MTMR4: variants seen among roughly 807,000 people sequenced by gnomAD.
MTMR4 encodes myotubularin related protein 4, also known as phosphatidylinositol-3,5-bisphosphate 3-phosphatase MTMR4.
In MTMR4, 30 loss-of-function variants were observed where a neutral mutation model predicts 125.5. The ratio of observed to expected loss-of-function variants is 0.24; its 90% confidence interval spans 0.18 to 0.32. The LOEUF is 0.32. Ranked by LOEUF, MTMR4 falls within the 10% of genes least tolerant of loss-of-function variation. MTMR4 has a pLI of 1.00. For missense variants in MTMR4, 1,039 were observed against 1,511.5 expected (o/e 0.69, Z 5.18); for synonymous variants, 498 against 564.5 (o/e 0.88, Z 1.67).
chr17:58,507,087 C>T (rs762802672), intron 8 of MTMR4, 36 bp downstream of exon 8: 1 of 1,612,076 alleles, frequency 6.2e-7, no homozygotes. Context: ...AGGAGGGGGC[C>T]TGCTCCCTGG....
chr17:58,508,468 T>C lies in MTMR4; in HGVS notation c.593A>G (p.Lys198Arg). 1 of 1,614,156 alleles carries C rather than the reference T, an allele frequency of 6.2e-7. No homozygotes were observed. Among genetic ancestry groups the C allele is most frequent in the Non-Finnish European group, 8.5e-7 (1 of 1,179,988 alleles). The change falls in exon 6 of 18, where the codon AAA (lysine) becomes AGA (arginine). Residue 198 changes from lysine (K) to arginine (R), a missense_variant and splice_region_variant. This residue lies in a region of MTMR4 where 202 missense variants were observed against 311.9 expected (regional missense o/e 0.65). Coordinates refer to ENST00000682306, the MANE Select transcript of MTMR4 (RefSeq NM_001378067.1). This position sits in a 1 kb window ranked among gnomAD's most constrained non-coding sequence, Gnocchi z 4.8. ...GTGTTTTGGTCCCCAACCCTCTCACTTGTAGTTGCTGTTGATGTGTGAGAC... is the reference window on the plus strand; with the variant it reads ...GTGTTTTGGTCCCCAACCCTCTCACCTGTAGTTGCTGTTGATGTGTGAGAC... ...WRVSHINSNY[K>R]LCPSYPQKLL...
Position 58,491,854 on chromosome 17 carries a change from AAG to A in MTMR4, c.3453-16_3453-15del, listed in dbSNP as rs1313501563. ...TTCCCACAATTTCTGTCAAAGCAGA[AAG>A]AGGGAAGAGTTCATCAGAAATGCCA... On this transcript the variant is annotated splice_polypyrimidine_tract_variant and intron_variant, in intron 17 of 17. Coordinates refer to ENST00000682306, the MANE Select transcript of MTMR4 (RefSeq NM_001378067.1). 6.2e-7 allele frequency: 1 copy of A among 1,608,424 alleles called. No homozygotes were observed. The highest frequency in any genetic ancestry group is 1.1e-5 in the South Asian group (1 of 90,950).
chr17:58,491,659 G>A lies in MTMR4; in HGVS notation c.*4C>T, dbSNP rs1056396519. 1 of 1,611,430 alleles carries A rather than the reference G, an allele frequency of 6.2e-7. No homozygotes were observed. The highest frequency in any genetic ancestry group is 1.3e-5 in the African/African-American group (1 of 74,964). On this transcript the variant is annotated 3_prime_UTR_variant, in exon 18 of 18. Transcript: ENST00000682306. ...CTAAAATTGGACAGGTTTCTCCCCG[G>A]CATTCAACTGGAAGCTGTAGCAATG...
intron 14 of MTMR4, among the ~76,000 whole-genome samples, chr17:58,503,526 G>A (rs1461897673): frequency 6.6e-6 from 1 of 152,094 alleles, no homozygotes; most frequent in East Asian, 1.9e-4. Context: ...GTCGGTGCCT[G>A]TAATCCAAGC....
upstream of MTMR4, among the ~76,000 whole-genome samples, chr17:58,518,655 C>T (rs1158927076): frequency 6.6e-6 from 1 of 152,210 alleles, no homozygotes; most frequent in African/African-American, 2.4e-5. Context: ...CTGCGGCCTC[C>T]TAGTCTGTAA....
chr17:58,515,259 C>CA (rs1976057055), upstream of MTMR4, among the ~76,000 whole-genome samples: 2 of 151,894 alleles, frequency 1.3e-5, no homozygotes, highest in African/African-American at 2.4e-5. Context: ...AGAAGCTATA[C>CA]AAAAAAACGA....
chr17:58,497,140 T>G (rs149942052), intron 14 of MTMR4, among the ~76,000 whole-genome samples: 1,712 of 152,320 alleles, frequency 0.011, 21 homozygotes, highest in Non-Finnish European at 0.017. Context: ...CAATGAAAAC[T>G]TGAGTGAAAT....
chr17:58,505,890 G>C (rs1267603138), intron 9 of MTMR4, among the ~76,000 whole-genome samples: 1 of 152,188 alleles, frequency 6.6e-6, no homozygotes, highest in Non-Finnish European at 1.5e-5. Flanking sequence ...CTGGGCGACA[G>C]AGCGAGACTC....
chr17:58,500,168 C>G (rs1490041006), intron 14 of MTMR4, among the ~76,000 whole-genome samples: 3 of 152,082 alleles, frequency 2.0e-5, no homozygotes, highest in Non-Finnish European at 2.9e-5. Context: ...GCTGTGTCAC[C>G]CAGGCTGGAG....
chr17:58,512,766 T>G lies in MTMR4; in HGVS notation c.135+86A>C, dbSNP rs1431126650. ...ATGAAGCCAGAGCTCTGGTACCAGA[T>G]GCCCTTGAGGATTTTTGGGAGAAGG... is the stretch of plus-strand genomic sequence containing the variant. On this transcript the variant is annotated intron_variant, in intron 2 of 17. Transcript: ENST00000682306. This position sits in a 1 kb window ranked among gnomAD's most constrained non-coding sequence, Gnocchi z 4.1. The G allele has an allele frequency of 3.4e-6, 4 of 1,166,804 alleles. No individual in the cohort carries two copies. Among genetic ancestry groups the G allele is most frequent in the East Asian group, 4.7e-5 (2 of 42,636 alleles). 72.3% of individuals were successfully genotyped at this position (1,166,804 alleles called of 1,614,324 possible).
rs756337688 is a variant in MTMR4 at position 58,503,746 on chromosome 17, G to A, written c.1851C>T (p.Asp617=). 10 of 1,613,412 alleles carry A rather than the reference G, an allele frequency of 6.2e-6. No individual in the cohort carries two copies. The highest frequency in any genetic ancestry group is 8.5e-6 in the Non-Finnish European group (10 of 1,179,670). The change falls in exon 14 of 18, where the codon GAC becomes GAT. Residue 617 remains aspartate, a splice_region_variant and synonymous_variant. Coordinates refer to ENST00000682306, the MANE Select transcript of MTMR4 (RefSeq NM_001378067.1). Reference sequence around the variant, plus strand: ...AAAGGAAGAAGGGCTTTTCTTACCTGTCCAGAGAGCGGCCAGAGAACTCCT... The same window carrying A: ...AAAGGAAGAAGGGCTTTTCTTACCTATCCAGAGAGCGGCCAGAGAACTCCT... ...QSQEFSGRSL[D]RLPKTRSMDD... is the part of the protein sequence containing the mutation.
At chr17:58,514,845 T>C (rs2143943828), upstream of MTMR4, 1 of 445,532 alleles carries the variant, frequency 2.2e-6, no homozygotes, top group Non-Finnish European at 3.0e-6. Flanking sequence ...TCCCTTCTTC[T>C]AAGGTGAGCC....
Position 58,504,509 on chromosome 17 carries a change from C to T in MTMR4, c.1342-21G>A. 6.2e-7 allele frequency: 1 copy of T among 1,607,800 alleles called. No homozygotes were observed. Among genetic ancestry groups the T allele is most frequent in the East Asian group, 2.2e-5 (1 of 44,752 alleles). ...AAGCCCTGCAAAAAAAGAAACTGTTCAAACATAGGGCCTCTCTGGAAATGC... is the reference window on the plus strand; with the variant it reads ...AAGCCCTGCAAAAAAAGAAACTGTTTAAACATAGGGCCTCTCTGGAAATGC... On this transcript the variant is annotated intron_variant, in intron 11 of 17. Coordinates refer to ENST00000682306, the MANE Select transcript of MTMR4 (RefSeq NM_001378067.1). This position sits in a 1 kb window ranked among gnomAD's most constrained non-coding sequence, Gnocchi z 7.1.
rs1033861580 is a variant in MTMR4 at position 58,490,578 on chromosome 17, T to G, written c.*1085A>C. 2 of 152,644 alleles carry G rather than the reference T, an allele frequency of 1.3e-5. No individual in the cohort carries two copies. Among genetic ancestry groups the G allele is most frequent in the Non-Finnish European group, 2.9e-5 (2 of 68,050 alleles). 9.5% of individuals were successfully genotyped at this position (152,644 alleles called of 1,614,324 possible). A position where few individuals can be genotyped will look rare whatever the true frequency, so the allele number is the denominator to read the frequency against. On this transcript the variant is annotated 3_prime_UTR_variant, in exon 18 of 18. Coordinates refer to ENST00000682306, the MANE Select transcript of MTMR4 (RefSeq NM_001378067.1). ...GACAGCAGCATTTGTACTGAAACCC[T>G]CACATACCAAACAGCATATGCTAGG...
intron 14 of MTMR4, among the ~76,000 whole-genome samples, chr17:58,503,109 C>G (rs1288008534): frequency 1.3e-5 from 2 of 152,290 alleles, no homozygotes; most frequent in Middle Eastern, 3.4e-3. Context: ...ATAGCAAGCT[C>G]CCCATGCCCT....
rs188085857 is a variant in MTMR4, at chr17:58,513,713, G to A, written c.45+650C>T. ...CAGCCAGGGGAGAGAGAGAGAGGAG[G>A]CCCGGCAGACACCCACGGGGAAGGT... On this transcript the variant is annotated intron_variant, in intron 1 of 17. Coordinates refer to ENST00000682306, the MANE Select transcript of MTMR4 (RefSeq NM_001378067.1). Among the ~76,000 whole-genome samples the A allele has an allele frequency of 6.4e-3, 978 of 152,082 alleles. 4 individuals are homozygous for A. Among genetic ancestry groups the A allele is most frequent in the Non-Finnish European group, 0.011 (734 of 67,982 alleles).
rs1247756995 is a variant in MTMR4 at position 58,490,861 on chromosome 17, A to C, written c.*802T>G. On this transcript the variant is annotated 3_prime_UTR_variant, in exon 18 of 18. Transcript: ENST00000682306. ...AATCAGCAGATATTTCACAAGGATAATTTTTGCTTTTCCCTTCTCATTCTT... is the reference window on the plus strand; with the variant it reads ...AATCAGCAGATATTTCACAAGGATACTTTTTGCTTTTCCCTTCTCATTCTT... 2.0e-5 allele frequency: 3 copies of C among 152,646 alleles called. No homozygotes were observed. Among genetic ancestry groups the C allele is most frequent in the African/African-American group, 7.2e-5 (3 of 41,456 alleles). The allele number at this position is 152,646 out of a possible 1,614,324, so 9.5% of individuals were successfully genotyped here.
Position 58,496,100 on chromosome 17 carries a change from C to T in MTMR4, c.2084G>A (p.Ser695Asn), listed in dbSNP as rs1307160400. The change falls in exon 15 of 18, where the codon AGC becomes AAC. Residue 695 changes from serine (S) to asparagine (N), a missense_variant. By Grantham distance (46) the Ser-to-Asn change is conservative. Coordinates refer to ENST00000682306, the MANE Select transcript of MTMR4 (RefSeq NM_001378067.1). ...GEVGLPPPLP[S>N]SQKDYLSNKP... ...ATTGCTCAAGTAGTCTTTCTGGCTGCTGGGCAGAGGAGGAGGAAGACCCAC... is the reference window on the plus strand; with the variant it reads ...ATTGCTCAAGTAGTCTTTCTGGCTGTTGGGCAGAGGAGGAGGAAGACCCAC... 1 of 1,614,186 alleles carries T rather than the reference C, an allele frequency of 6.2e-7. No individual in the cohort carries two copies. Among genetic ancestry groups the T allele is most frequent in the Non-Finnish European group, 8.5e-7 (1 of 1,180,034 alleles).
upstream of MTMR4, chr17:58,516,531 A>C (rs1490594981): frequency 1.7e-5 from 28 of 1,608,368 alleles, no homozygotes; most frequent in Non-Finnish European, 2.4e-5. Flanking sequence ...AGAGAAAGAC[A>C]CATGGATTAC....
Sources: allele counts gnomAD v4.1 joint callset (sites outside exome capture counted in the v4.1 genomes callset), GRCh38; gene constraint gnomAD v4.1.1; regional missense constraint gnomAD v4.1.1; non-coding constraint Gnocchi (gnomAD v3.1); transcripts MANE v1.5; gene names NCBI Gene and HGNC (gene_info 2026-07-23, HGNC 2026-07-21).